Variants in ALG5 observed in about 807,000 individuals in gnomAD.
ALG5 encodes dolichyl-phosphate beta-glucosyltransferase.
In ALG5, 26 loss-of-function variants were observed where a neutral mutation model predicts 51.8. That is an observed-to-expected ratio of 0.50 (90% confidence interval 0.37 to 0.70). The LOEUF (loss-of-function observed/expected upper bound fraction) is 0.70, where lower values mean the gene tolerates loss of function less well. ALG5 is among the 30% of genes least tolerant of loss of function. The pLI is 0.00. For missense variants in ALG5, 311 were observed against 399.3 expected (o/e 0.78, Z 1.88); for synonymous variants, 141 against 136.1 (o/e 1.04, Z -0.25).
At chr13:36,959,748 G>A (rs1276674704) in intron 8 of ALG5, among the ~76,000 whole-genome samples, 6 of 152,020 alleles carry the variant, frequency 3.9e-5, no homozygotes, top group Non-Finnish European at 4.4e-5. Context: ...TAAAACAAAT[G>A]TGAGGGTAGA....
chr13:36,969,571 T>C (rs1221874551), intron 7 of ALG5, among the ~76,000 whole-genome samples: 1 of 152,134 alleles, frequency 6.6e-6, no homozygotes, highest in Non-Finnish European at 1.5e-5. Context: ...TCTTACTCTG[T>C]CGCCCAGGCT....
At chr13:36,980,020 C>T (rs7336575) in intron 6 of ALG5, among the ~76,000 whole-genome samples, 55,876 of 151,904 alleles carry the variant, frequency 0.37, 11,282 homozygotes, top group Non-Finnish European at 0.46. Flanking sequence ...GCACTCCAGG[C>T]TGGGTGACAG....
intron 6 of ALG5, among the ~76,000 whole-genome samples, chr13:36,981,782 T>G (rs1229327060): frequency 6.6e-6 from 1 of 152,172 alleles, no homozygotes; most frequent in Non-Finnish European, 1.5e-5. Flanking sequence ...AAAAATATGC[T>G]ATGTTTAAAA....
At chr13:36,974,720 A>T (rs9547710) in intron 6 of ALG5, among the ~76,000 whole-genome samples, 7 of 149,936 alleles carry the variant, frequency 4.7e-5, no homozygotes, top group Non-Finnish European at 8.9e-5. Context: ...AAGCCCCCCC[A>T]CCACCATCCC....
intron 1 of ALG5, among the ~76,000 whole-genome samples, chr13:36,997,627 C>A (rs922505343): frequency 1.3e-5 from 2 of 151,988 alleles, no homozygotes; most frequent in Non-Finnish European, 2.9e-5. Context: ...ATATATGAGA[C>A]AAGTGAGGGC....
chr13:36,975,838 T>C (rs1243722881), intron 6 of ALG5, among the ~76,000 whole-genome samples: 3 of 151,958 alleles, frequency 2.0e-5, no homozygotes, highest in Non-Finnish European at 4.4e-5. Context: ...CTTGGCAACA[T>C]AGCGAAACCC....
At chr13:36,993,435 TGGA>T (rs2059034250) in intron 4 of ALG5, among the ~76,000 whole-genome samples, 166 bp downstream of exon 4, 1 of 152,342 alleles carries the variant, frequency 6.6e-6, no homozygotes, top group South Asian at 2.1e-4. Flanking sequence ...CCTGGTCTTA[TGGA>T]GAAGTTCCAT....
chr13:36,967,520 C>A (rs1471511826), intron 7 of ALG5, among the ~76,000 whole-genome samples: 1 of 152,038 alleles, frequency 6.6e-6, no homozygotes, highest in Non-Finnish European at 1.5e-5. Flanking sequence ...CTCCTGACCA[C>A]AATTTTACTT....
chr13:36,998,933 G>A (rs1593691841), intron 1 of ALG5: 1 of 302,642 alleles, frequency 3.3e-6, no homozygotes, highest in African/African-American at 2.2e-5. Context: ...GGTGGGTAGG[G>A]GGCGCGGGCG....
intron 8 of ALG5, among the ~76,000 whole-genome samples, chr13:36,963,178 C>T (rs77735568): frequency 0.089 from 13,591 of 152,058 alleles, 1,535 homozygotes; most frequent in African/African-American, 0.27. Context: ...CTTTAACTCC[C>T]GGCCTCAAGT....
Position 36,950,058 on chromosome 13 carries a change from C to A in ALG5, c.860-1G>T, listed in dbSNP as rs1447152568. Reference sequence around the variant, plus strand: ...CTCCAGAATGGAACTAATTTAGAACCTGTGATTTAAAAATAATTAAAAACA... The same window carrying A: ...CTCCAGAATGGAACTAATTTAGAACATGTGATTTAAAAATAATTAAAAACA... On this transcript the variant is annotated splice_acceptor_variant, in intron 9 of 9. Coordinates refer to ENST00000239891, the MANE Select transcript of ALG5 (RefSeq NM_013338.5). LOFTEE classifies it high-confidence loss of function. The A allele has an allele frequency of 6.4e-7, 1 of 1,566,896 alleles. No homozygotes were observed. The highest frequency in any genetic ancestry group is 8.7e-7 in the Non-Finnish European group (1 of 1,146,164).
At chr13:36,957,684 C>T (rs2058846690) in intron 8 of ALG5, among the ~76,000 whole-genome samples, 1 of 152,136 alleles carries the variant, frequency 6.6e-6, no homozygotes. Context: ...CGGGACTTAG[C>T]CCATATGAAA....
intron 6 of ALG5, among the ~76,000 whole-genome samples, chr13:36,973,010 T>C (rs1490660914): frequency 1.3e-5 from 1 of 76,402 alleles, no homozygotes; most frequent in Non-Finnish European, 2.9e-5. Context: ...AAAAAAAAAA[T>C]CAATGCTTCC....
At chr13:36,969,419 TTA>T (rs1393438328) in intron 7 of ALG5, among the ~76,000 whole-genome samples, 233 of 147,994 alleles carry the variant, frequency 1.6e-3, no homozygotes, top group Admixed American at 2.4e-3. Context: ...TTAATATATT[TTA>T]AAAAAAAAAA....
chr13:36,962,470 T>A (rs2058872136), intron 8 of ALG5, among the ~76,000 whole-genome samples: 1 of 152,082 alleles, frequency 6.6e-6, no homozygotes. Flanking sequence ...TTAAGTGAGG[T>A]GAATCTTGTT....
intron 4 of ALG5, among the ~76,000 whole-genome samples, chr13:36,992,520 A>G (rs1458591490): frequency 2.6e-5 from 4 of 152,182 alleles, no homozygotes; most frequent in Non-Finnish European, 5.9e-5. Flanking sequence ...TAAAGCCACA[A>G]CTGTTTGGAA....
chr13:36,974,486 CTTTT>C (rs1210578153), intron 6 of ALG5, among the ~76,000 whole-genome samples: 4 of 152,040 alleles, frequency 2.6e-5, no homozygotes, highest in African/African-American at 9.7e-5. Flanking sequence ...TCTTTGTATT[CTTTT>C]TTTCTCTACA....
At chr13:36,985,820 A>G (rs1291925114) in intron 5 of ALG5, 80 bp from the exon 6 acceptor site, 10 of 894,002 alleles carry the variant, frequency 1.1e-5, no homozygotes, top group Middle Eastern at 2.3e-4. Context: ...TGTTCTACTT[A>G]AAATACCTAA....
Position 36,989,547 on chromosome 13 carries a change from T to G in ALG5, c.384A>C (p.Gly128=). 6.2e-7 allele frequency: 1 copy of G among 1,612,610 alleles called. No individual in the cohort carries two copies. The highest frequency in any genetic ancestry group is 1.7e-4 in the Middle Eastern group (1 of 6,052). Residue 128 remains glycine, a synonymous_variant, in exon 5 of 10, where the codon GGA becomes GGC. Coordinates refer to ENST00000239891, the MANE Select transcript of ALG5 (RefSeq NM_013338.5). The part of the protein sequence containing the change: ...KVAFKYCQKY[G]SDKVRVITLV... ...GGGTTATCACACGTACTTTGTCACT[T>G]CCATATTTCTGGCAATATTTAAAAG...
Sources: allele counts gnomAD v4.1 joint callset (sites outside exome capture counted in the v4.1 genomes callset), GRCh38; gene constraint gnomAD v4.1.1; transcripts MANE v1.5; gene names NCBI Gene and HGNC (gene_info 2026-07-23, HGNC 2026-07-21).